MTUS2: variants seen among roughly 807,000 people sequenced by gnomAD.
MTUS2 encodes the protein microtubule associated scaffold protein 2.
In MTUS2, 40 loss-of-function variants were observed where a neutral mutation model predicts 114.1. The ratio of observed to expected loss-of-function variants is 0.35; its 90% CI spans 0.27 to 0.46. The LOEUF (loss-of-function observed/expected upper bound fraction) is 0.46, where lower values mean the gene tolerates loss of function less well. MTUS2 is among the 20% of genes least tolerant of loss of function. The pLI, the probability that MTUS2 is intolerant of heterozygous loss-of-function variation, is 1.00. For synonymous variants in MTUS2, 688 were observed against 672.0 expected (o/e 1.02, Z -0.37); for missense variants, 1,679 against 1,705.4 (o/e 0.98, Z 0.27).
chr13:29,395,016 G>T (rs1232878306), intron 8 of MTUS2, among the ~76,000 whole-genome samples: 1 of 152,156 alleles, frequency 6.6e-6, no homozygotes, highest in Non-Finnish European at 1.5e-5. Flanking sequence ...AATATAGGTT[G>T]TTCCCACAAG....
intron 2 of MTUS2, among the ~76,000 whole-genome samples, chr13:28,972,784 C>CA (rs1399821335): frequency 2.0e-5 from 3 of 152,006 alleles, no homozygotes; most frequent in African/African-American, 7.3e-5. Context: ...TATTTAAACA[C>CA]AAAAACACAG....
intron 2 of MTUS2, among the ~76,000 whole-genome samples, chr13:29,007,202 T>A (rs1217025761): frequency 6.6e-6 from 1 of 152,244 alleles, no homozygotes; most frequent in Non-Finnish European, 1.5e-5. Context: ...TGCTATAGTT[T>A]CCTTTAATTG....
At chr13:29,351,915 G>A (rs1274537509) in intron 7 of MTUS2, among the ~76,000 whole-genome samples, 1 of 151,936 alleles carries the variant, frequency 6.6e-6, no homozygotes, top group African/African-American at 2.4e-5. Flanking sequence ...CACTGTGCCT[G>A]GCATTAGTTA....
chr13:29,380,344 T>C (rs1332601517), intron 8 of MTUS2, among the ~76,000 whole-genome samples: 1 of 152,208 alleles, frequency 6.6e-6, no homozygotes, highest in Non-Finnish European at 1.5e-5. Flanking sequence ...GACTGTAAAC[T>C]CCCTTGTGCT....
chr13:28,965,480 G>C (rs1411003748), intron 2 of MTUS2, among the ~76,000 whole-genome samples: 2 of 152,160 alleles, frequency 1.3e-5, no homozygotes, highest in African/African-American at 4.8e-5. Context: ...TCTTTGTATT[G>C]AATGTTAAGA....
chr13:29,482,285 C>T (rs1445977328), intron 10 of MTUS2: 1 of 152,212 alleles, frequency 6.6e-6, no homozygotes, highest in Admixed American at 6.5e-5. Flanking sequence ...CAGGACGCCT[C>T]GCTGAGGCCT....
chr13:29,053,582 TTATCC>T (rs1365957011), intron 4 of MTUS2, among the ~76,000 whole-genome samples: 8 of 152,218 alleles, frequency 5.3e-5, no homozygotes, highest in African/African-American at 1.9e-4. Context: ...TCCTACTACC[TTATCC>T]CAGGTGAATA....
At chr13:29,428,957 G>A (rs1008200768) in intron 8 of MTUS2, 16 of 1,565,600 alleles carry the variant, frequency 1.0e-5, no homozygotes, top group Non-Finnish European at 1.3e-5. Flanking sequence ...AGAGAAAGCC[G>A]TGAGCCAGCC....
chr13:29,251,373 C>G (rs577137572), intron 5 of MTUS2, among the ~76,000 whole-genome samples: 3 of 152,120 alleles, frequency 2.0e-5, no homozygotes, highest in Non-Finnish European at 2.9e-5. Context: ...TTAAAACTTA[C>G]ATTTTGACCA....
Position 28,916,812 on chromosome 13 carries a change from A to T in MTUS2, c.-243+76962A>T, listed in dbSNP as rs182856767. Among the ~76,000 whole-genome samples, 16 of 151,794 alleles carry T rather than the reference A, an allele frequency of 1.1e-4. No individual in the cohort carries two copies. In the East Asian group the frequency reaches 3.1e-3, roughly 29 times the overall value. Reference sequence around the variant, plus strand: ...GGGACTTCCAGTACTATCCTGAGTGACAATGGTGAAAGTGGGTATCCTTGT... The same window carrying T: ...GGGACTTCCAGTACTATCCTGAGTGTCAATGGTGAAAGTGGGTATCCTTGT... On this transcript the variant is annotated intron_variant, in intron 2 of 15. Transcript: ENST00000612955.
chr13:28,887,876 C>A (rs1385988080), intron 2 of MTUS2, among the ~76,000 whole-genome samples: 1 of 152,210 alleles, frequency 6.6e-6, no homozygotes, highest in Non-Finnish European at 1.5e-5. Context: ...CTCTCTGTTA[C>A]CTCTGCCTGG....
chr13:29,484,640 A>T (rs1045335338), intron 10 of MTUS2, among the ~76,000 whole-genome samples: 2 of 152,254 alleles, frequency 1.3e-5, no homozygotes, highest in African/African-American at 4.8e-5. Context: ...AAAGTCATTA[A>T]GAGCGTGGGA....
intron 5 of MTUS2, among the ~76,000 whole-genome samples, chr13:29,254,485 C>T (rs1897232269): frequency 6.6e-6 from 1 of 152,216 alleles, no homozygotes; most frequent in Admixed American, 6.5e-5. Flanking sequence ...CAAGTCGTAC[C>T]AACACTGAGG....
intron 7 of MTUS2, among the ~76,000 whole-genome samples, chr13:29,329,622 T>C (rs1255337521): frequency 3.3e-5 from 5 of 150,370 alleles, no homozygotes; most frequent in African/African-American, 1.2e-4. Flanking sequence ...GTCTTTTTTT[T>C]TTTTTTTTTT....
rs1886535946 is a variant in MTUS2, at chr13:29,026,194, G to A, written c.1496G>A (p.Ser499Asn). The A allele has an allele frequency of 8.1e-6, 13 of 1,613,874 alleles. No homozygotes were observed. Among genetic ancestry groups the A allele is most frequent in the Non-Finnish European group, 1.1e-5 (13 of 1,179,896 alleles). The change falls in exon 3 of 16, where the codon AGC becomes AAC. Residue 499 changes from serine (S) to asparagine (N), a missense_variant. Physicochemically the swap from Ser to Asn is conservative, Grantham distance 46 (BLOSUM62 1). This residue lies in a region of MTUS2 where 843 missense variants were observed against 770.8 expected (regional missense o/e 1.09). Coordinates refer to ENST00000612955, the MANE Select transcript of MTUS2 (RefSeq NM_001033602.4). Reference protein sequence around the residue: ...PQSGRSEARESKEVTTSVAEN... With the variant: ...PQSGRSEARENKEVTTSVAEN... ...AGTGGCCGCTCAGAAGCACGGGAAAGCAAAGAGGTCACCACATCTGTTGCT... is the reference window on the plus strand; with the variant it reads ...AGTGGCCGCTCAGAAGCACGGGAAAACAAAGAGGTCACCACATCTGTTGCT...
intron 5 of MTUS2, among the ~76,000 whole-genome samples, chr13:29,114,770 A>G (rs773062118): frequency 3.3e-5 from 5 of 152,184 alleles, no homozygotes; most frequent in Non-Finnish European, 2.9e-5. Flanking sequence ...CAGGGATGCA[A>G]TGAGGGTCAG....
chr13:29,500,964 C>A, intron 14 of MTUS2, 133 bp from the exon 15 acceptor site: 1 of 635,448 alleles, frequency 1.6e-6, no homozygotes. Context: ...TTTTAAAACC[C>A]ACTAAAGCAT....
At chr13:29,222,574 C>T (rs1895950166) in intron 5 of MTUS2, among the ~76,000 whole-genome samples, 1 of 152,210 alleles carries the variant, frequency 6.6e-6, no homozygotes, top group African/African-American at 2.4e-5. Context: ...TGCCATGATG[C>T]CAGCTGCAGT....
intron 6 of MTUS2, 37 bp downstream of exon 6, chr13:29,281,902 G>C (rs760567593): frequency 1.3e-6 from 2 of 1,531,874 alleles, no homozygotes; most frequent in African/African-American, 2.8e-5. Context: ...CCATGGTGGA[G>C]TGCCCTTTCT....
Sources: allele counts gnomAD v4.1 joint callset (sites outside exome capture counted in the v4.1 genomes callset), GRCh38; gene constraint gnomAD v4.1.1; regional missense constraint gnomAD v4.1.1; transcripts MANE v1.5; gene names NCBI Gene and HGNC (gene_info 2026-07-23, HGNC 2026-07-21).